Variants in SIPA1L2 observed in about 807,000 individuals in gnomAD.
SIPA1L2 encodes the protein signal-induced proliferation-associated 1-like protein 2.
SIPA1L2 carries 56 observed loss-of-function variants against 163.9 expected under a neutral mutation model. The observed-to-expected ratio is 0.34, with a 90% CI of 0.28 to 0.43. The LOEUF (loss-of-function observed/expected upper bound fraction) is 0.43, where lower values mean the gene tolerates loss of function less well. Among genes scored for constraint, SIPA1L2 ranks in the 20% least tolerant of loss-of-function variants. The probability of loss-of-function intolerance (pLI) is 1.00; values close to 1 mark genes in which losing one functional copy is unlikely to be tolerated. For missense variants in SIPA1L2, 1,974 were observed against 2,193.5 expected, an observed-to-expected ratio of 0.90 and a Z score of 2.00; for synonymous variants, 877 against 865.7, an observed-to-expected ratio of 1.01 and a Z score of -0.23.
intron 10 of SIPA1L2, among the ~76,000 whole-genome samples, chr1:232,449,934 A>C (rs1663469146): frequency 6.6e-6 from 1 of 152,240 alleles, no homozygotes; most frequent in Non-Finnish European, 1.5e-5. Context: ...CTAACTTGTC[A>C]AATCCATAGT....
At chr1:232,618,652 T>C (rs2102885514) in intron 1 of SIPA1L2, among the ~76,000 whole-genome samples, 1 of 92,700 alleles carries the variant, frequency 1.1e-5, no homozygotes, top group South Asian at 3.7e-4. Flanking sequence ...AGACTCCATC[T>C]CAAAAAAAAA....
intron 14 of SIPA1L2, among the ~76,000 whole-genome samples, chr1:232,440,035 G>A (rs1662797453): frequency 6.6e-6 from 1 of 152,156 alleles, no homozygotes; most frequent in Non-Finnish European, 1.5e-5. Flanking sequence ...AGAACCACTT[G>A]GCTGCTGCAA....
chr1:232,590,389 A>G (rs1161694835), intron 1 of SIPA1L2, among the ~76,000 whole-genome samples: 1 of 152,254 alleles, frequency 6.6e-6, no homozygotes, highest in Non-Finnish European at 1.5e-5. Flanking sequence ...AAGAAAGTAA[A>G]TAAATTAAAC....
intron 2 of SIPA1L2, among the ~76,000 whole-genome samples, 83 bp downstream of exon 2, chr1:232,574,091 A>T (rs1659951017): frequency 2.0e-5 from 3 of 151,988 alleles, no homozygotes; most frequent in South Asian, 2.1e-4. Flanking sequence ...ACAATCTTTT[A>T]AAAAAAATTA....
rs1385763802 is a variant in SIPA1L2 at position 232,443,693 on chromosome 1, G to T, written c.3354-8C>A. On this transcript the variant is annotated splice_polypyrimidine_tract_variant and splice_region_variant and intron_variant, in intron 11 of 22. Coordinates refer to ENST00000674635, the MANE Select transcript of SIPA1L2 (RefSeq NM_020808.5). ...TGGTTGCTGGGTGAGCTTCTGAAAG[G>T]TTGAGTAGAATCATTAACAGGGCAC... is the stretch of plus-strand genomic sequence containing the variant. 6.2e-7 allele frequency: 1 copy of T among 1,605,682 alleles called. No homozygotes were observed. Among genetic ancestry groups the T allele is most frequent in the Non-Finnish European group, 8.5e-7 (1 of 1,176,072 alleles).
At chr1:232,607,613 C>T (rs1323545715) in intron 1 of SIPA1L2, among the ~76,000 whole-genome samples, 1 of 152,116 alleles carries the variant, frequency 6.6e-6, no homozygotes, top group Non-Finnish European at 1.5e-5. Context: ...TTAACGAAAA[C>T]TGTCCCCACT....
At chr1:232,591,289 A>G (rs1660943751) in intron 1 of SIPA1L2, among the ~76,000 whole-genome samples, 1 of 152,274 alleles carries the variant, frequency 6.6e-6, no homozygotes, top group Admixed American at 6.5e-5. Flanking sequence ...TTAGCTGTTT[A>G]TATTTCAGAG....
chr1:232,544,560 C>CAAA (rs56028740), intron 2 of SIPA1L2, among the ~76,000 whole-genome samples: 2 of 147,716 alleles, frequency 1.4e-5, no homozygotes, highest in Non-Finnish European at 1.5e-5. Flanking sequence ...ACTCCTGTCT[C>CAAA]AAAAAAAAAA....
intron 8 of SIPA1L2, among the ~76,000 whole-genome samples, chr1:232,466,585 T>C (rs1664524778): frequency 6.6e-6 from 1 of 152,082 alleles, no homozygotes; most frequent in Non-Finnish European, 1.5e-5. Flanking sequence ...GGTCAGGAGA[T>C]TGAGACCATC....
Position 232,445,630 on chromosome 1 carries a change from G to A in SIPA1L2, c.3252C>T (p.Pro1084=), listed in dbSNP as rs3737838. Residue 1084 remains proline, a synonymous_variant, in exon 11 of 23, where the codon CCC becomes CCT. Coordinates refer to ENST00000674635, the MANE Select transcript of SIPA1L2 (RefSeq NM_020808.5). ...GGCACGGCAGCCGGTCGGGCGTGCCGGGGATGGGGGAAGCTCTAGAGAGGG... is the reference window on the plus strand; with the variant it reads ...GGCACGGCAGCCGGTCGGGCGTGCCAGGGATGGGGGAAGCTCTAGAGAGGG... ...LQPLSRASPI[P]GTPDRLPCQQ... 4.7e-3 allele frequency: 7,543 copies of A among 1,613,936 alleles called. 357 individuals carry two copies. The East Asian group carries it at 0.12, about 26-fold the overall frequency.
intron 2 of SIPA1L2, among the ~76,000 whole-genome samples, chr1:232,542,372 G>A (rs1657739022): frequency 6.6e-6 from 1 of 152,164 alleles, no homozygotes; most frequent in African/African-American, 2.4e-5. Flanking sequence ...CTCACTTCCA[G>A]TAGCTCAAAT....
chr1:232,564,235 CGTGTGTGTGTGTGTGTGTGT>C (rs59088753), intron 2 of SIPA1L2, among the ~76,000 whole-genome samples: 8 of 29,698 alleles, frequency 2.7e-4, no homozygotes, highest in Admixed American at 6.2e-4. Context: ...TTTTTTTTTT[CGTGTGTGTGTGTGTGTGTGT>C]GTGTGTGTGT....
intron 4 of SIPA1L2, among the ~76,000 whole-genome samples, chr1:232,491,610 C>T (rs1665933872): frequency 6.6e-6 from 1 of 152,136 alleles, no homozygotes; most frequent in Non-Finnish European, 1.5e-5. Context: ...AATTTTGTCT[C>T]ATGACTTTTT....
chr1:232,610,160 T>C (rs1383006242), intron 1 of SIPA1L2, among the ~76,000 whole-genome samples: 4 of 152,226 alleles, frequency 2.6e-5, no homozygotes, highest in Admixed American at 6.5e-5. Context: ...CAATAAAAAT[T>C]GAGGTTTTAA....
chr1:232,626,406 G>A (rs1663082539), intron 1 of SIPA1L2, among the ~76,000 whole-genome samples: 1 of 152,004 alleles, frequency 6.6e-6, no homozygotes, highest in Non-Finnish European at 1.5e-5. Flanking sequence ...TGGGGGAGAA[G>A]AACGAACCAA....
intron 1 of SIPA1L2, among the ~76,000 whole-genome samples, chr1:232,616,367 G>C (rs1054358774): frequency 6.6e-6 from 1 of 152,178 alleles, no homozygotes; most frequent in Non-Finnish European, 1.5e-5. Context: ...CCAGCTACAC[G>C]ACATTCCCTA....
intron 7 of SIPA1L2, among the ~76,000 whole-genome samples, chr1:232,476,151 A>T (rs1292789801): frequency 1.3e-5 from 2 of 152,080 alleles, no homozygotes; most frequent in East Asian, 1.9e-4. Flanking sequence ...AAGTACACAA[A>T]CTCTTTAAGG....
chr1:232,576,635 T>C (rs889890898), intron 1 of SIPA1L2, among the ~76,000 whole-genome samples: 1 of 152,118 alleles, frequency 6.6e-6, no homozygotes, highest in Non-Finnish European at 1.5e-5. Flanking sequence ...TTAAGCTCAA[T>C]GGGGAAGACA....
chr1:232,418,993 CAAAGA>C (rs901838339), intron 18 of SIPA1L2, among the ~76,000 whole-genome samples: 2 of 152,062 alleles, frequency 1.3e-5, no homozygotes, highest in Non-Finnish European at 2.9e-5. Context: ...AGCTTTACAT[CAAAGA>C]AAAGACAATA....
Sources: gnomAD v4.1 joint callset for allele counts (sites outside exome capture counted in the v4.1 genomes callset) on GRCh38, gnomAD v4.1.1 for gene constraint, MANE v1.5 for transcripts, NCBI Gene and HGNC (gene_info 2026-07-23, HGNC 2026-07-21) for gene names.